SYT1: variants seen among roughly 807,000 people sequenced by gnomAD.
SYT1 encodes the protein synaptotagmin 1.
SYT1 carries 8 observed loss-of-function variants against 44.8 expected under a neutral mutation model. The observed-to-expected ratio is 0.18, with a 90% CI of 0.10 to 0.32. SYT1 has a LOEUF of 0.32. SYT1 is among the 10% of genes least tolerant of loss of function. The pLI is 1.00. For missense variants in SYT1, 286 were observed against 509.3 expected (o/e 0.56, Z 4.22); for synonymous variants, 154 against 188.8 (o/e 0.82, Z 1.51).
intron 3 of SYT1, among the ~76,000 whole-genome samples, chr12:79,161,175 G>A (rs77851674): frequency 6.6e-6 from 1 of 152,164 alleles, no homozygotes; most frequent in Non-Finnish European, 1.5e-5. Context: ...AGGAGGCAAA[G>A]GTTGTAGTGA....
intron 1 of SYT1, among the ~76,000 whole-genome samples, chr12:78,894,339 T>G (rs1319074406): frequency 9.4e-6 from 1 of 106,354 alleles, no homozygotes; most frequent in Non-Finnish European, 1.9e-5. Flanking sequence ...TGTTTTTTTT[T>G]TTTTTTTTTT....
chr12:79,323,158 TGTAAGACCTATCACA>T (rs1881448372), intron 8 of SYT1, among the ~76,000 whole-genome samples: 1 of 152,188 alleles, frequency 6.6e-6, no homozygotes. Context: ...CCTGCTTTTT[TGTAAGACCTATCACA>T]GCAGGACATA....
At chr12:79,258,558 C>T (rs1383436518) in intron 4 of SYT1, among the ~76,000 whole-genome samples, 1 of 152,144 alleles carries the variant, frequency 6.6e-6, no homozygotes, top group Non-Finnish European at 1.5e-5. Context: ...GACTCTAAAG[C>T]ATGAAAGTTC....
intron 8 of SYT1, among the ~76,000 whole-genome samples, chr12:79,303,214 T>C (rs1374678808): frequency 6.6e-6 from 1 of 152,176 alleles, no homozygotes; most frequent in African/African-American, 2.4e-5. Context: ...AAATTTCACT[T>C]ATGTGCAGTT....
chr12:78,900,887 G>A (rs1485534453), intron 1 of SYT1, among the ~76,000 whole-genome samples: 1 of 152,074 alleles, frequency 6.6e-6, no homozygotes, highest in East Asian at 1.9e-4. Context: ...CAAAATGCAT[G>A]TAATTTTTAA....
intron 1 of SYT1, among the ~76,000 whole-genome samples, chr12:78,971,462 A>G (rs555403110): frequency 6.6e-6 from 1 of 152,158 alleles, no homozygotes; most frequent in African/African-American, 2.4e-5. Context: ...AAAAGAGTAG[A>G]TGCATTGTTC....
At chr12:79,404,169 T>C (rs1244984961) in intron 9 of SYT1, among the ~76,000 whole-genome samples, 4 of 152,136 alleles carry the variant, frequency 2.6e-5, no homozygotes, top group Non-Finnish European at 5.9e-5. Context: ...ATAAAGCTAA[T>C]ATATCAAATA....
At chr12:78,998,500 T>C (rs547345880) in intron 2 of SYT1, among the ~76,000 whole-genome samples, 13 of 152,272 alleles carry the variant, frequency 8.5e-5, no homozygotes, top group Middle Eastern at 3.4e-3. Context: ...GCACCTAGCA[T>C]AGGGCCTGCA....
intron 4 of SYT1, among the ~76,000 whole-genome samples, chr12:79,223,465 A>C (rs140085258): frequency 1.2e-4 from 19 of 152,282 alleles, no homozygotes; most frequent in African/African-American, 4.3e-4. Flanking sequence ...GTGCTGCCAG[A>C]AGCCTAGGGC....
chr12:79,034,126 T>C (rs1247036701), intron 2 of SYT1, among the ~76,000 whole-genome samples: 1 of 151,514 alleles, frequency 6.6e-6, no homozygotes, highest in African/African-American at 2.4e-5. Context: ...AATATAAGAA[T>C]CATGCTGTTC....
intron 1 of SYT1, among the ~76,000 whole-genome samples, chr12:78,948,657 T>G (rs1049373796): frequency 2.0e-5 from 3 of 151,908 alleles, no homozygotes; most frequent in African/African-American, 7.3e-5. Context: ...AAGTGGGGTT[T>G]GACTGACAGT....
intron 1 of SYT1, among the ~76,000 whole-genome samples, chr12:78,887,996 G>C (rs1001586155): frequency 4.0e-5 from 6 of 151,776 alleles, no homozygotes; most frequent in Non-Finnish European, 7.4e-5. Flanking sequence ...AAAAAACTAT[G>C]ATAGACAATT....
At chr12:79,003,916 C>T (rs1283430629) in intron 2 of SYT1, among the ~76,000 whole-genome samples, 3 of 151,910 alleles carry the variant, frequency 2.0e-5, no homozygotes, top group African/African-American at 7.2e-5. Context: ...CAATTGCCAG[C>T]ATCTTGAAAA....
In SYT1 at chr12:78,995,405, C is replaced by A. The variant is rs116117847; in HGVS notation, c.-84+17474C>A. 3.2e-3 allele frequency among the ~76,000 whole-genome samples: 483 copies of A among 152,242 alleles called. 5 individuals carry two copies. Among genetic ancestry groups the A allele is most frequent in the African/African-American group, 0.011 (452 of 41,560 alleles). The stretch of plus-strand genomic sequence containing the variant: ...TCTCAATAGGGGTGAGAAACAATAA[C>A]CATAATGGTCTTGAAGTCACTTTTT... On this transcript the variant is annotated intron_variant, in intron 2 of 10. Coordinates refer to ENST00000261205, the MANE Select transcript of SYT1 (RefSeq NM_005639.3).
intron 9 of SYT1, among the ~76,000 whole-genome samples, chr12:79,364,033 A>G (rs1883434626): frequency 6.6e-6 from 1 of 152,162 alleles, no homozygotes. Context: ...CTAACTGATT[A>G]TTTTGTCTTC....
intron 3 of SYT1, among the ~76,000 whole-genome samples, chr12:79,098,586 T>C (rs1445283860): frequency 1.3e-5 from 2 of 152,122 alleles, no homozygotes; most frequent in Non-Finnish European, 2.9e-5. Context: ...AAAACAGTTA[T>C]TTTACAGTGT....
chr12:79,282,628 G>T (rs950094859), intron 4 of SYT1, among the ~76,000 whole-genome samples: 3 of 151,784 alleles, frequency 2.0e-5, no homozygotes, highest in Admixed American at 6.6e-5. Context: ...GCTGTTATTT[G>T]CTTCACTGAA....
At chr12:79,402,903 TAC>T (rs1334110532) in intron 9 of SYT1, among the ~76,000 whole-genome samples, 3 of 152,180 alleles carry the variant, frequency 2.0e-5, no homozygotes, top group Non-Finnish European at 4.4e-5. Context: ...ACTGGAGAGA[TAC>T]AGTTAGTTTT....
At chr12:78,926,106 T>C (rs902053457) in intron 1 of SYT1, among the ~76,000 whole-genome samples, 1 of 152,030 alleles carries the variant, frequency 6.6e-6, no homozygotes, top group African/African-American at 2.4e-5. Context: ...TGCATAAATG[T>C]TATAATTGTT....
Sources: allele counts gnomAD v4.1 joint callset (sites outside exome capture counted in the v4.1 genomes callset), GRCh38; gene constraint gnomAD v4.1.1; transcripts MANE v1.5; gene names NCBI Gene and HGNC (gene_info 2026-07-23, HGNC 2026-07-21).